Variants in MYH11 observed in about 807,000 individuals in gnomAD.
The protein encoded by MYH11 is myosin-11.
Under a neutral mutation model 246.6 loss-of-function variants are expected in MYH11, and 80 were observed. That is an observed-to-expected ratio of 0.32 (90% confidence interval 0.27 to 0.39). The LOEUF is 0.39. Ranked by LOEUF, MYH11 falls within the 10% of genes least tolerant of loss-of-function variation. MYH11 has a pLI of 1.00. For missense variants in MYH11, 2,158 were observed against 2,546.8 expected (o/e 0.85, Z 3.29); for synonymous variants, 1,071 against 1,015.5 (o/e 1.05, Z -1.04).
At chr16:15,730,652 A>G (rs1841814866) in intron 27 of MYH11, among the ~76,000 whole-genome samples, 1 of 152,212 alleles carries the variant, frequency 6.6e-6, no homozygotes, top group Non-Finnish European at 1.5e-5. Context: ...TTTTTAGGCA[A>G]TGCTGCACCC....
intron 3 of MYH11, among the ~76,000 whole-genome samples, chr16:15,813,661 C>T (rs1008956126): frequency 6.6e-6 from 1 of 152,008 alleles, no homozygotes; most frequent in Non-Finnish European, 1.5e-5. Context: ...CCTTCCTAAA[C>T]CTTACTAAAA....
At chr16:15,826,366 T>C (rs1022991302) in intron 2 of MYH11, among the ~76,000 whole-genome samples, 8 of 151,978 alleles carry the variant, frequency 5.3e-5, no homozygotes, top group African/African-American at 1.7e-4. Flanking sequence ...GGCAGGAAGA[T>C]TGCTTGAGCC....
Position 15,724,211 on chromosome 16 carries a change from G to C in MYH11, c.4315C>G (p.Gln1439Glu), listed in dbSNP as rs566506678. Residue 1439 changes from glutamine (Q) to glutamate (E), a missense_variant, in exon 31 of 41, where the codon CAG becomes GAG. Physicochemically the swap from Gln to Glu is conservative, Grantham distance 29. Transcript: ENST00000300036. ...TCCAGGTTGGACACGAGTTGCCGCT[G>C]GTTGTCCAAATCAACAACCAGGTCG... ...LDDLVVDLDN[Q>E]RQLVSNLEKK... 5.0e-6 allele frequency: 8 copies of C among 1,614,120 alleles called. No individual in the cohort carries two copies. In the African/African-American group the frequency reaches 6.7e-5, roughly 13 times the overall value.
rs1306448355 is a variant in MYH11 at position 15,823,253 on chromosome 16, A to G, written c.502+2T>C. 3 of 1,614,012 alleles carry G rather than the reference A, an allele frequency of 1.9e-6. No individual in the cohort carries two copies. The highest frequency in any genetic ancestry group is 2.5e-6 in the Non-Finnish European group (3 of 1,180,036). ...GCCCCGTGCAGCCCTGAGTTCACTC[A>G]CCTTGAAGCATGCTCCGGTAGGCCG... On this transcript the variant is annotated splice_donor_variant, in intron 3 of 40. Coordinates refer to ENST00000300036, the MANE Select transcript of MYH11 (RefSeq NM_002474.3). LOFTEE classifies it high-confidence loss of function.
At chr16:15,709,084 A>G (rs2039632591) in intron 40 of MYH11, among the ~76,000 whole-genome samples, 1 of 151,930 alleles carries the variant, frequency 6.6e-6, no homozygotes. Flanking sequence ...CTGGGATTAC[A>G]GGCAGGCCCC....
intron 3 of MYH11, among the ~76,000 whole-genome samples, chr16:15,819,355 G>A (rs1382549791): frequency 3.9e-5 from 6 of 152,206 alleles, no homozygotes; most frequent in African/African-American, 1.4e-4. Context: ...TCTAGCGCAG[G>A]CATCTCAAAC....
chr16:15,745,539 C>T (rs977625909), intron 19 of MYH11, among the ~76,000 whole-genome samples: 3 of 152,006 alleles, frequency 2.0e-5, no homozygotes, highest in African/African-American at 7.2e-5. Flanking sequence ...AAGGGGGCTC[C>T]CGTACTCCCC....
chr16:15,854,145 A>C (rs74855305), intron 1 of MYH11, among the ~76,000 whole-genome samples: 2,908 of 152,364 alleles, frequency 0.019, 87 homozygotes, highest in African/African-American at 0.058. Flanking sequence ...TTTCAGCCCA[A>C]ATAGAAACGA....
intron 1 of MYH11, among the ~76,000 whole-genome samples, chr16:15,852,669 T>A (rs1007480329): frequency 2.0e-5 from 3 of 152,062 alleles, no homozygotes; most frequent in African/African-American, 7.2e-5. Context: ...ATTTGCAATA[T>A]CTATTAATTT....
chr16:15,776,984 T>C (rs537723399), intron 7 of MYH11, among the ~76,000 whole-genome samples: 1 of 152,190 alleles, frequency 6.6e-6, no homozygotes, highest in East Asian at 1.9e-4. Context: ...CAGCAGACCT[T>C]GTCTTCTTCA....
intron 3 of MYH11, among the ~76,000 whole-genome samples, chr16:15,815,338 C>A (rs574042485): frequency 6.6e-6 from 1 of 152,068 alleles, no homozygotes; most frequent in African/African-American, 2.4e-5. Context: ...CAGGATATTG[C>A]AACCACAGAA....
At chr16:15,716,090 G>A (rs1375622607) in intron 38 of MYH11, among the ~76,000 whole-genome samples, 1 of 152,052 alleles carries the variant, frequency 6.6e-6, no homozygotes, top group Non-Finnish European at 1.5e-5. Flanking sequence ...AACAGAGTGA[G>A]ACTATGTCTC....
At chr16:15,774,402 T>C (rs2042173531) in intron 8 of MYH11, among the ~76,000 whole-genome samples, 1 of 152,182 alleles carries the variant, frequency 6.6e-6, no homozygotes, top group Non-Finnish European at 1.5e-5. Flanking sequence ...AACCAAACTG[T>C]TTTCTTGGGT....
At chr16:15,730,788 C>T (rs2100181649) in intron 27 of MYH11, among the ~76,000 whole-genome samples, 1 of 152,068 alleles carries the variant, frequency 6.6e-6, no homozygotes, top group African/African-American at 2.4e-5. Flanking sequence ...AAAAACTTAC[C>T]CTGGGGAATG....
At position 15,718,187 on chromosome 16, in the gene MYH11, C is replaced by T. The variant is rs1396874250; in HGVS notation, c.5295+128G>A. The T allele has an allele frequency of 5.4e-6, 8 of 1,481,420 alleles. No homozygotes were observed. The Admixed American group carries it at 1.0e-4, about 19-fold the overall frequency. The allele number at this position is 1,481,420 out of a possible 1,614,324, so 91.8% of individuals were successfully genotyped here. ...GCCCTGGATCTCTACTCTCAGGCCC[C>T]ACCACCCTCTTGTCCCTCAATCCAG... On this transcript the variant is annotated intron_variant, in intron 37 of 40. Transcript: ENST00000300036.
chr16:15,736,606 C>G (rs1459221740), intron 25 of MYH11, among the ~76,000 whole-genome samples: 4 of 152,104 alleles, frequency 2.6e-5, no homozygotes, highest in Non-Finnish European at 5.9e-5. Flanking sequence ...AGGTTCCTGC[C>G]CCAGAGAGAT....
chr16:15,848,390 T>G (rs1426109985), intron 1 of MYH11, among the ~76,000 whole-genome samples: 2 of 151,992 alleles, frequency 1.3e-5, no homozygotes, highest in Non-Finnish European at 2.9e-5. Flanking sequence ...TGCGCTACCA[T>G]GCCTGGCTAA....
intron 34 of MYH11, 86 bp downstream of exon 34, chr16:15,720,065 C>T (rs2040384267): frequency 5.1e-6 from 8 of 1,580,634 alleles, no homozygotes; most frequent in Non-Finnish European, 7.0e-6. Context: ...AGGCTTGCTT[C>T]CTGGAGCCCG....
At chr16:15,856,448 A>G (rs1279059081) in intron 1 of MYH11, among the ~76,000 whole-genome samples, 1 of 152,030 alleles carries the variant, frequency 6.6e-6, no homozygotes, top group Non-Finnish European at 1.5e-5. Flanking sequence ...AAGGAGCCTC[A>G]CTTTGCCCTT....
Sources: allele counts gnomAD v4.1 joint callset (sites outside exome capture counted in the v4.1 genomes callset), GRCh38; gene constraint gnomAD v4.1.1; transcripts MANE v1.5; gene names NCBI Gene and HGNC (gene_info 2026-07-23, HGNC 2026-07-21).